The following UXS1 variants were observed in gnomAD, a reference collection of about 807,000 sequenced individuals.
UXS1 encodes UDP-glucuronic acid decarboxylase 1.
A neutral mutation model predicts 62.6 loss-of-function variants in UXS1; 33 were observed. The observed-to-expected ratio is 0.53, with a 90% CI of 0.40 to 0.70. UXS1 has a LOEUF of 0.70. Ranked by LOEUF, UXS1 falls within the 30% of genes least tolerant of loss-of-function variation. The pLI is 0.00. For synonymous variants in UXS1, 213 were observed against 206.8 expected (o/e 1.03, Z -0.26); for missense variants, 434 against 556.3 (o/e 0.78, Z 2.21).
In UXS1 at chr2:106,145,110, G is replaced by A; in HGVS notation, c.472+80C>T. ...AGCTTTCAATGTGCTGAGTCAAACA[G>A]CTTACCCTCAGGAATCCCGCAGCTC... On this transcript the variant is annotated intron_variant, in intron 6 of 14. Transcript: ENST00000283148. 6.1e-6 allele frequency: 9 copies of A among 1,486,426 alleles called. No homozygotes were observed. The South Asian group carries it at 1.2e-4, about 19-fold the overall frequency. The allele number at this position is 1,486,426 out of a possible 1,614,324, so 92.1% of individuals were successfully genotyped here. A position where few individuals can be genotyped will look rare whatever the true frequency, so the allele number is the denominator to read the frequency against.
intron 6 of UXS1, among the ~76,000 whole-genome samples, chr2:106,140,149 T>C (rs1680981788): frequency 6.6e-6 from 1 of 152,208 alleles, no homozygotes; most frequent in South Asian, 2.1e-4. Context: ...TGTATTTACT[T>C]AGGGCAAAGG....
intron 10 of UXS1, among the ~76,000 whole-genome samples, chr2:106,107,723 T>A (rs966807111): frequency 6.6e-6 from 1 of 152,182 alleles, no homozygotes; most frequent in Non-Finnish European, 1.5e-5. Flanking sequence ...CATTCATAAG[T>A]GCACTGGAAG....
intron 1 of UXS1, among the ~76,000 whole-genome samples, chr2:106,172,972 G>C (rs1032930980): frequency 6.6e-6 from 1 of 152,076 alleles, no homozygotes; most frequent in Non-Finnish European, 1.5e-5. Flanking sequence ...CCTTATAAAA[G>C]AGGTCTTCTG....
At chr2:106,178,455 T>A (rs1280880982) in intron 1 of UXS1, among the ~76,000 whole-genome samples, 1 of 152,066 alleles carries the variant, frequency 6.6e-6, no homozygotes, top group Non-Finnish European at 1.5e-5. Flanking sequence ...TATATGTATG[T>A]GTGTGTATAT....
At chr2:106,114,816 C>A (rs567308090) in intron 9 of UXS1, among the ~76,000 whole-genome samples, 1 of 152,146 alleles carries the variant, frequency 6.6e-6, no homozygotes, top group African/African-American at 2.4e-5. Context: ...TCCAAGAACA[C>A]GAGCTCTCAA....
chr2:106,121,837 C>T (rs189703163), intron 9 of UXS1, among the ~76,000 whole-genome samples: 24 of 152,338 alleles, frequency 1.6e-4, no homozygotes, highest in Non-Finnish European at 8.8e-5. Context: ...GAGTCCTCGA[C>T]ATTCTCTCCT....
At chr2:106,140,679 C>G (rs1681027985) in intron 6 of UXS1, among the ~76,000 whole-genome samples, 1 of 151,814 alleles carries the variant, frequency 6.6e-6, no homozygotes, top group Admixed American at 6.6e-5. Context: ...TAGCTGCCTA[C>G]TTCGCACGGG....
rs1192755118 is a variant in UXS1, at chr2:106,105,371, ACT to A, written c.880-536_880-535del. Among the ~76,000 whole-genome samples the A allele has an allele frequency of 2.7e-5, 4 of 146,458 alleles. No homozygotes were observed. In the East Asian group the frequency reaches 8.1e-4, roughly 30 times the overall value. On this transcript the variant is annotated intron_variant, in intron 10 of 14. Transcript: ENST00000283148. ...GCCAAGGTGGAGAGGCATGCAGGAG[ACT>A]CTGAAAGTGATGCGGAGGTGGCAGG...
intron 1 of UXS1, among the ~76,000 whole-genome samples, chr2:106,191,108 C>T (rs1684902402): frequency 1.3e-5 from 2 of 152,084 alleles, no homozygotes; most frequent in South Asian, 4.1e-4. Flanking sequence ...AGCAGGTGGT[C>T]AACCCTAAGA....
chr2:106,188,238 G>A (rs916616240), intron 1 of UXS1, among the ~76,000 whole-genome samples: 2 of 152,094 alleles, frequency 1.3e-5, no homozygotes, highest in South Asian at 2.1e-4. Flanking sequence ...AATCCACGTG[G>A]ACAGGGAGAA....
chr2:106,192,957 G>C (rs1685024310), intron 1 of UXS1, among the ~76,000 whole-genome samples: 1 of 152,164 alleles, frequency 6.6e-6, no homozygotes, highest in Non-Finnish European at 1.5e-5. Flanking sequence ...TTGGGTCTCA[G>C]CTTTCTTACT....
chr2:106,138,145 C>A, intron 6 of UXS1: 1 of 984,648 alleles, frequency 1.0e-6, no homozygotes, highest in Non-Finnish European at 1.2e-6. Flanking sequence ...TCTCCGACAT[C>A]AAACAGAAAG....
chr2:106,169,774 T>A (rs751492698), intron 1 of UXS1, among the ~76,000 whole-genome samples: 94 of 152,268 alleles, frequency 6.2e-4, no homozygotes, highest in Non-Finnish European at 9.4e-4. Flanking sequence ...CTGCCACCCA[T>A]CCCAGACACC....
intron 11 of UXS1, 47 bp downstream of exon 11, chr2:106,104,747 C>A: frequency 6.2e-7 from 1 of 1,613,258 alleles, no homozygotes; most frequent in Non-Finnish European, 8.5e-7. Context: ...GGCATGACCC[C>A]TGCTCCAAAG....
At chr2:106,136,343 A>T (rs1156256921) in intron 6 of UXS1, among the ~76,000 whole-genome samples, 1 of 148,880 alleles carries the variant, frequency 6.7e-6, no homozygotes, top group Non-Finnish European at 1.5e-5. Flanking sequence ...CCATGGTGGA[A>T]GTCAGTGTGG....
At chr2:106,095,049 AAAC>A (rs1353195803) in intron 14 of UXS1, among the ~76,000 whole-genome samples, 1 of 152,236 alleles carries the variant, frequency 6.6e-6, no homozygotes, top group Non-Finnish European at 1.5e-5. Context: ...TTATAAATTA[AAAC>A]TACTACTAGA....
At chr2:106,109,554 T>C (rs1016576510) in intron 10 of UXS1, among the ~76,000 whole-genome samples, 10 of 152,148 alleles carry the variant, frequency 6.6e-5, no homozygotes, top group African/African-American at 2.2e-4. Context: ...CCTGTGAAGG[T>C]GAGTGCCATA....
intron 10 of UXS1, among the ~76,000 whole-genome samples, chr2:106,109,708 T>C (rs1678421614): frequency 6.6e-6 from 1 of 152,192 alleles, no homozygotes; most frequent in African/African-American, 2.4e-5. Context: ...TATGATGCAC[T>C]TAACCCAGCG....
intron 14 of UXS1, 41 bp downstream of exon 14, chr2:106,096,677 A>G (rs1173428561): frequency 6.6e-7 from 1 of 1,510,154 alleles, no homozygotes; most frequent in Non-Finnish European, 8.9e-7. Context: ...AGGACACGGG[A>G]GGCCCCTCCC....
Sources: gnomAD v4.1 joint callset for allele counts (sites outside exome capture counted in the v4.1 genomes callset) on GRCh38, gnomAD v4.1.1 for gene constraint, MANE v1.5 for transcripts, NCBI Gene and HGNC (gene_info 2026-07-23, HGNC 2026-07-21) for gene names.